SNX29: variants seen among roughly 807,000 people sequenced by gnomAD.
SNX29 encodes the protein sorting nexin 29, also known as sorting nexin-29.
A neutral mutation model predicts 102.1 loss-of-function variants in SNX29; 78 were observed. The ratio of observed to expected loss-of-function variants is 0.76; its 90% CI spans 0.64 to 0.92. The LOEUF is 0.92. Ranked by LOEUF, SNX29 falls within the 40% of genes least tolerant of loss-of-function variation. SNX29 has a pLI of 0.00. For synonymous variants in SNX29, 580 were observed against 414.5 expected (o/e 1.40, Z -4.85); for missense variants, 1,280 against 1,061.7 (o/e 1.21, Z -2.86).
At chr16:12,047,028 G>A (rs2050116678) in intron 6 of SNX29, among the ~76,000 whole-genome samples, 1 of 152,208 alleles carries the variant, frequency 6.6e-6, no homozygotes, top group Non-Finnish European at 1.5e-5. Flanking sequence ...GGGAATTGGA[G>A]GTGGGAGACC....
chr16:12,305,714 T>A (rs920105943), intron 15 of SNX29, among the ~76,000 whole-genome samples: 1 of 152,222 alleles, frequency 6.6e-6, no homozygotes, highest in Non-Finnish European at 1.5e-5. Flanking sequence ...GTGTTGTGTA[T>A]CCAGACTCCG....
At position 12,572,767 on chromosome 16, in the gene SNX29, G is replaced by T. The variant is rs147960163; in HGVS notation, c.*4138G>T. The T allele has an allele frequency of 9.4e-7, 1 of 1,063,896 alleles. No homozygotes were observed. The highest frequency in any genetic ancestry group is 4.5e-5 in the South Asian group (1 of 21,980). The allele number at this position is 1,063,896 out of a possible 1,614,324, so 65.9% of individuals were successfully genotyped here. On this transcript the variant is annotated 3_prime_UTR_variant, in exon 21 of 21. Coordinates refer to ENST00000566228, the MANE Select transcript of SNX29 (RefSeq NM_032167.5). The stretch of plus-strand genomic sequence containing the variant: ...TGGGTTTTCAGCTTCTGGGACCCGA[G>T]GAAGACCCCACCTCACTCCTCCTTC...
chr16:12,092,724 C>T (rs377142010), intron 11 of SNX29, among the ~76,000 whole-genome samples: 19 of 152,338 alleles, frequency 1.2e-4, no homozygotes, highest in African/African-American at 4.6e-4. Flanking sequence ...AGAATATCCA[C>T]ATTCTCATTT....
chr16:12,214,133 C>A (rs1190532195), intron 14 of SNX29, among the ~76,000 whole-genome samples: 1 of 106,672 alleles, frequency 9.4e-6, no homozygotes, highest in African/African-American at 2.9e-5. Context: ...TGATTTCCTC[C>A]CTGGCAGGGG....
chr16:12,569,689 T>A lies in SNX29; in HGVS notation c.*1060T>A, dbSNP rs2079144759. On this transcript the variant is annotated 3_prime_UTR_variant, in exon 21 of 21. Transcript: ENST00000566228. ...AGGTGGCTCTCAGAGTACAGGGACC[T>A]TGGCAGGTGGAGAGGAGGATGGGGA... is the stretch of plus-strand genomic sequence containing the variant. The A allele has an allele frequency of 4.3e-6, 1 of 230,056 alleles. No individual in the cohort carries two copies. Among genetic ancestry groups the A allele is most frequent in the East Asian group, 6.2e-5 (1 of 16,234 alleles). 14.3% of individuals were successfully genotyped at this position (230,056 alleles called of 1,614,324 possible).
At position 12,349,142 on chromosome 16, in the gene SNX29, C is replaced by T. The variant is rs2081917994; in HGVS notation, c.1783-7021C>T. On this transcript the variant is annotated intron_variant, in intron 15 of 20. Transcript: ENST00000566228. ...GTGTAGCTTTAGACAGGCCACTTGC[C>T]CCCCGCCAAGCCTACATTTCCTCAA... is the stretch of plus-strand genomic sequence containing the variant. Among the ~76,000 whole-genome samples, 4 of 152,306 alleles carry T rather than the reference C, an allele frequency of 2.6e-5. No homozygotes were observed. In the South Asian group the frequency reaches 8.3e-4, roughly 32 times the overall value.
intron 16 of SNX29, among the ~76,000 whole-genome samples, chr16:12,394,586 G>C (rs2083653095): frequency 6.6e-6 from 1 of 152,102 alleles, no homozygotes; most frequent in African/African-American, 2.4e-5. Flanking sequence ...TGTCGACCAG[G>C]GCTTGACTGA....
chr16:12,560,670 G>A (rs62028254), intron 20 of SNX29: 17,489 of 156,708 alleles, frequency 0.11, 1,218 homozygotes, highest in Non-Finnish European at 0.15. Flanking sequence ...TGGGGGCTGG[G>A]CTTGGATGCA....
intron 14 of SNX29, 23 bp downstream of exon 14, chr16:12,199,706 G>A (rs1308240801): frequency 6.2e-7 from 1 of 1,604,936 alleles, no homozygotes; most frequent in African/African-American, 1.3e-5. Flanking sequence ...CTGAGCCCGG[G>A]TTGGGAGGGG....
At chr16:12,370,092 T>C (rs867450823) in intron 16 of SNX29, among the ~76,000 whole-genome samples, 5 of 150,604 alleles carry the variant, frequency 3.3e-5, no homozygotes, top group Admixed American at 1.3e-4. Context: ...CGTGGTAGCA[T>C]GTGCCCTTAA....
At chr16:12,550,031 G>A (rs1008305811) in intron 20 of SNX29, among the ~76,000 whole-genome samples, 25 of 152,172 alleles carry the variant, frequency 1.6e-4, no homozygotes, top group African/African-American at 4.8e-4. Flanking sequence ...TAACTGAGAT[G>A]GAATGCCTCC....
intron 14 of SNX29, among the ~76,000 whole-genome samples, chr16:12,217,065 A>T (rs997864860): frequency 6.6e-6 from 1 of 152,118 alleles, no homozygotes; most frequent in African/African-American, 2.4e-5. Flanking sequence ...GTGTCCCTTC[A>T]TTGCCCAGGC....
chr16:12,036,247 G>A (rs1326495118), intron 4 of SNX29, among the ~76,000 whole-genome samples: 2 of 151,168 alleles, frequency 1.3e-5, no homozygotes, highest in Admixed American at 6.6e-5. Context: ...GCTCCTTGTA[G>A]TTGGGTTTTC....
intron 14 of SNX29, among the ~76,000 whole-genome samples, chr16:12,247,666 A>G (rs927919501): frequency 1.2e-4 from 19 of 152,316 alleles, no homozygotes; most frequent in Middle Eastern, 3.4e-3. Flanking sequence ...GAGGATTTCA[A>G]TGTGGTTTAG....
At chr16:12,518,203 T>TGTC (rs1284202866) in intron 19 of SNX29, among the ~76,000 whole-genome samples, 3 of 152,178 alleles carry the variant, frequency 2.0e-5, no homozygotes, top group Non-Finnish European at 4.4e-5. Context: ...TACACCCTAC[T>TGTC]GTCCCCCAGC....
intron 3 of SNX29, among the ~76,000 whole-genome samples, chr16:12,014,009 C>T (rs776468330): frequency 6.6e-6 from 1 of 152,018 alleles, no homozygotes; most frequent in Non-Finnish European, 1.5e-5. Context: ...ATTGCCCAGG[C>T]TGGCTTTGAA....
At chr16:12,497,758 C>A (rs1168717885) in intron 19 of SNX29, among the ~76,000 whole-genome samples, 3 of 152,174 alleles carry the variant, frequency 2.0e-5, no homozygotes, top group African/African-American at 7.2e-5. Flanking sequence ...CTCAAGGCTT[C>A]CATTGTATCC....
rs572684190 is a variant in SNX29, at chr16:12,492,603, C to A, written c.2178+14744C>A. ...TGGTGTTTTAGACATGAAGTCCTTG[C>A]CCATGCCTATGTCCTGAATGGTAAT... On this transcript the variant is annotated intron_variant, in intron 19 of 20. Transcript: ENST00000566228. Among the ~76,000 whole-genome samples the A allele has an allele frequency of 5.1e-3, 771 of 152,240 alleles. 9 individuals carry two copies. Among genetic ancestry groups the A allele is most frequent in the African/African-American group, 0.018 (737 of 41,542 alleles).
At chr16:12,455,288 C>A (rs1257930899) in intron 18 of SNX29, among the ~76,000 whole-genome samples, 3 of 152,186 alleles carry the variant, frequency 2.0e-5, no homozygotes, top group Admixed American at 2.0e-4. Flanking sequence ...CCCCACACCT[C>A]GTGGCCCTTT....
Sources: allele counts gnomAD v4.1 joint callset (sites outside exome capture counted in the v4.1 genomes callset), GRCh38; gene constraint gnomAD v4.1.1; transcripts MANE v1.5; gene names NCBI Gene and HGNC (gene_info 2026-07-23, HGNC 2026-07-21).